Variants in ALG6 observed in about 807,000 individuals in gnomAD.
ALG6 encodes ALG6 alpha-1,3-glucosyltransferase.
Under a neutral mutation model 66.6 loss-of-function variants are expected in ALG6, and 46 were observed. That is an observed-to-expected ratio of 0.69 (90% confidence interval 0.55 to 0.88). ALG6 has a LOEUF of 0.88. Ranked by LOEUF, ALG6 falls within the 40% of genes least tolerant of loss-of-function variation. The pLI is 0.00. For missense variants in ALG6, 505 were observed against 586.8 expected, an observed-to-expected ratio of 0.86 and a Z score of 1.44; for synonymous variants, 185 against 203.7, an observed-to-expected ratio of 0.91 and a Z score of 0.78.
chr1:63,401,015 CA>C (rs3215575), intron 3 of ALG6, among the ~76,000 whole-genome samples: 24,307 of 152,122 alleles, frequency 0.16, 2,319 homozygotes, highest in South Asian at 0.22. Flanking sequence ...TTCAAGCTGC[CA>C]AAAGGGGCTC....
chr1:63,390,609 A>G (rs142780736), intron 2 of ALG6, among the ~76,000 whole-genome samples: 21 of 152,194 alleles, frequency 1.4e-4, no homozygotes, highest in Admixed American at 9.8e-4. Flanking sequence ...CTGCCTTTCA[A>G]ATTTATTTAA....
chr1:63,429,905 CAG>C (rs544315664), intron 14 of ALG6: 33 of 145,484 alleles, frequency 2.3e-4, no homozygotes, highest in African/African-American at 6.8e-4. Context: ...TTTTTTGAGA[CAG>C]AGTCTTGCTC....
intron 12 of ALG6, among the ~76,000 whole-genome samples, chr1:63,421,261 C>T (rs1461226516): frequency 1.3e-5 from 2 of 152,114 alleles, no homozygotes; most frequent in Non-Finnish European, 2.9e-5. Flanking sequence ...TCACCACAAC[C>T]TCCGCCTCCC....
intron 1 of ALG6, among the ~76,000 whole-genome samples, chr1:63,370,226 T>G (rs1165155463): frequency 6.6e-6 from 1 of 152,162 alleles, no homozygotes; most frequent in Non-Finnish European, 1.5e-5. Flanking sequence ...TCTCACGATT[T>G]GGGATTATTC....
At chr1:63,386,027 GGT>G (rs1648493008) in intron 2 of ALG6, among the ~76,000 whole-genome samples, 1 of 152,098 alleles carries the variant, frequency 6.6e-6, no homozygotes, top group African/African-American at 2.4e-5. Context: ...GTCAGGAAGG[GGT>G]GTGGAATTGT....
At chr1:63,425,160 A>G (rs1644608558) in intron 12 of ALG6, among the ~76,000 whole-genome samples, 1 of 152,158 alleles carries the variant, frequency 6.6e-6, no homozygotes, top group South Asian at 2.1e-4. Context: ...AAATAGGGCA[A>G]TAACTGGTAG....
intron 14 of ALG6, among the ~76,000 whole-genome samples, chr1:63,430,618 T>C (rs1364791239): frequency 6.6e-6 from 1 of 152,184 alleles, no homozygotes. Flanking sequence ...TTCATTGGAG[T>C]GCTGACTTGC....
At chr1:63,396,788 ATACT>A (rs1648836896) in intron 3 of ALG6, among the ~76,000 whole-genome samples, 191 bp downstream of exon 3, 1 of 152,170 alleles carries the variant, frequency 6.6e-6, no homozygotes, top group Non-Finnish European at 1.5e-5. Context: ...GTTAATTCAT[ATACT>A]TAGTTAGGTG....
rs376292789 is a variant in ALG6 at position 63,429,091 on chromosome 1, T to G, written c.1291T>G (p.Cys431Gly). The G allele has an allele frequency of 6.9e-6, 11 of 1,603,520 alleles. No homozygotes were observed. The East Asian group carries it at 1.1e-4, about 16-fold the overall frequency. Residue 431 changes from cysteine to glycine, a missense_variant, in exon 14 of 15, where the codon TGT (cysteine) becomes GGT (glycine). Coordinates refer to ENST00000263440, the MANE Select transcript of ALG6 (RefSeq NM_013339.4). ...CATTTCTGTGAGGAAATATCTTCCATGTTTTACATTTCTTTCCAGAATTAT... is the reference window on the plus strand; with the variant it reads ...CATTTCTGTGAGGAAATATCTTCCAGGTTTTACATTTCTTTCCAGAATTAT... ...FSISVRKYLP[C>G]FTFLSRIIQY...
chr1:63,383,742 C>G (rs778102686), intron 2 of ALG6, among the ~76,000 whole-genome samples: 2 of 151,886 alleles, frequency 1.3e-5, no homozygotes, highest in South Asian at 4.2e-4. Flanking sequence ...CTGCAGTCAC[C>G]CTGTTGAGCT....
chr1:63,405,079 G>A (rs1644483584), intron 5 of ALG6, among the ~76,000 whole-genome samples: 1 of 152,060 alleles, frequency 6.6e-6, no homozygotes, highest in South Asian at 2.1e-4. Flanking sequence ...TTCTTTAAGA[G>A]CTTTACATGA....
intron 12 of ALG6, among the ~76,000 whole-genome samples, chr1:63,424,393 C>T (rs2100435865): frequency 6.6e-6 from 1 of 152,282 alleles, no homozygotes; most frequent in Admixed American, 6.5e-5. Flanking sequence ...CCCGCCTCGG[C>T]CTCCCAAAGT....
intron 3 of ALG6, among the ~76,000 whole-genome samples, chr1:63,399,701 C>G (rs1451362776): frequency 6.6e-6 from 1 of 151,948 alleles, no homozygotes; most frequent in Non-Finnish European, 1.5e-5. Context: ...AACAAAAATA[C>G]CAAATATGAC....
At position 63,406,309 on chromosome 1, in the gene ALG6, G is replaced by A; in HGVS notation, c.347-8G>A. ...CTCATGTTTAAAGTTATTTACTTGT[G>A]TTTTCAGTTTTAATTGCTGATCTGC... On this transcript the variant is annotated splice_polypyrimidine_tract_variant and splice_region_variant and intron_variant, in intron 5 of 14. Coordinates refer to ENST00000263440, the MANE Select transcript of ALG6 (RefSeq NM_013339.4). 1.9e-6 allele frequency: 3 copies of A among 1,612,070 alleles called. No homozygotes were observed. Among genetic ancestry groups the A allele is most frequent in the Non-Finnish European group, 1.7e-6 (2 of 1,178,566 alleles).
chr1:63,379,439 T>C (rs1229682277), intron 2 of ALG6, among the ~76,000 whole-genome samples: 1 of 152,142 alleles, frequency 6.6e-6, no homozygotes, highest in Non-Finnish European at 1.5e-5. Context: ...ATGAGTACTA[T>C]CTTCACTATC....
chr1:63,382,655 GTTTTTTTTTGTTT>G (rs1242236273), intron 2 of ALG6, among the ~76,000 whole-genome samples: 3 of 81,240 alleles, frequency 3.7e-5, no homozygotes, highest in Non-Finnish European at 7.4e-5. Context: ...TTTTTTGTTT[GTTTTTTTTTGTTT>G]TTTTTTTTTT....
In ALG6 at chr1:63,392,377, G is replaced by T. The variant is rs538973964; in HGVS notation, c.83-4136G>T. ...GTAGAGACGGGGTTTCACCATGTTG[G>T]TCAGGCTGGTCTTGAACTCCTGAAC... is the stretch of plus-strand genomic sequence containing the variant. On this transcript the variant is annotated intron_variant, in intron 2 of 14. Coordinates refer to ENST00000263440, the MANE Select transcript of ALG6 (RefSeq NM_013339.4). Among the ~76,000 whole-genome samples the T allele has an allele frequency of 5.3e-4, 81 of 152,058 alleles. 1 individual carries two copies. Among genetic ancestry groups the T allele is most frequent in the African/African-American group, 1.9e-3 (77 of 41,464 alleles).
chr1:63,422,118 AAT>A (rs1246137438), intron 12 of ALG6, among the ~76,000 whole-genome samples: 4 of 80,168 alleles, frequency 5.0e-5, no homozygotes, highest in Admixed American at 1.8e-4. Flanking sequence ...AATATATATA[AAT>A]ATATAAATAA....
Position 63,414,975 on chromosome 1 carries a change from A to G in ALG6, c.902+829A>G, listed in dbSNP as rs575230539. On this transcript the variant is annotated intron_variant, in intron 10 of 14. Transcript: ENST00000263440. ...ATTTGATTAAGTTAGGCGCCTCAGG[A>G]CAAGATCCCTTTTGATTAATTTAAA... Among the ~76,000 whole-genome samples the G allele has an allele frequency of 2.1e-4, 32 of 152,312 alleles. No homozygotes were observed. The South Asian group carries it at 6.6e-3, about 32-fold the overall frequency.
Sources: gnomAD v4.1 joint callset for allele counts (sites outside exome capture counted in the v4.1 genomes callset) on GRCh38, gnomAD v4.1.1 for gene constraint, MANE v1.5 for transcripts, NCBI Gene and HGNC (gene_info 2026-07-23, HGNC 2026-07-21) for gene names.